The following PARVA variants were observed in gnomAD, a reference collection of about 807,000 sequenced individuals.
PARVA encodes alpha-parvin.
PARVA carries 25 observed loss-of-function variants against 52.6 expected under a neutral mutation model. The observed-to-expected ratio is 0.48, with a 90% confidence interval of 0.35 to 0.66. The LOEUF (loss-of-function observed/expected upper bound fraction) is 0.66, where lower values mean the gene tolerates loss of function less well. Among genes scored for constraint, PARVA ranks in the 30% least tolerant of loss-of-function variants. The pLI is 0.01. For synonymous variants in PARVA, 185 were observed against 179.1 expected (o/e 1.03, Z -0.26); for missense variants, 373 against 450.9 (o/e 0.83, Z 1.56).
chr11:12,406,352 A>T (rs1939906225), intron 1 of PARVA, among the ~76,000 whole-genome samples: 1 of 152,222 alleles, frequency 6.6e-6, no homozygotes, highest in South Asian at 2.1e-4. Context: ...ATTTACTTAA[A>T]GTCAACTGAT....
chr11:12,471,192 T>C (rs1019753702), intron 1 of PARVA, among the ~76,000 whole-genome samples: 1 of 152,168 alleles, frequency 6.6e-6, no homozygotes, highest in Non-Finnish European at 1.5e-5. Context: ...TATGAGGGTG[T>C]TGAGAATCAC....
At chr11:12,526,797 C>T (rs1168596204) in intron 12 of PARVA, among the ~76,000 whole-genome samples, 2 of 151,860 alleles carry the variant, frequency 1.3e-5, no homozygotes, top group African/African-American at 4.8e-5. Flanking sequence ...TTCTCCCACT[C>T]TTCAAAGGTT....
intron 5 of PARVA, 104 bp from the exon 6 acceptor site, chr11:12,504,210 A>G: frequency 1.5e-6 from 1 of 673,820 alleles, no homozygotes; most frequent in Admixed American, 2.4e-5. Context: ...AGGGACAAAT[A>G]TCCAAACTCT....
At position 12,508,646 on chromosome 11, in the gene PARVA, T is replaced by C; in HGVS notation, c.716+4T>C. 1 of 1,597,176 alleles carries C rather than the reference T, an allele frequency of 6.3e-7. No homozygotes were observed. Among genetic ancestry groups the C allele is most frequent in the Non-Finnish European group, 8.6e-7 (1 of 1,167,320 alleles). ...AGGAAATAACTGGTAACACAGAGTA[T>C]GTCAACACCATTGTTGCCAGCGATT... On this transcript the variant is annotated splice_donor_region_variant and intron_variant, in intron 7 of 12. Coordinates refer to ENST00000334956, the MANE Select transcript of PARVA (RefSeq NM_018222.5).
intron 1 of PARVA, among the ~76,000 whole-genome samples, chr11:12,390,586 C>T (rs888097482): frequency 6.6e-6 from 1 of 152,174 alleles, no homozygotes; most frequent in Non-Finnish European, 1.5e-5. Context: ...CTGCTGTAGT[C>T]TCTATGTGGA....
chr11:12,399,677 T>A (rs1183386686), intron 1 of PARVA, among the ~76,000 whole-genome samples: 1 of 152,156 alleles, frequency 6.6e-6, no homozygotes, highest in African/African-American at 2.4e-5. Context: ...TGTGTGTGTA[T>A]TTTGTTGTTT....
At chr11:12,437,986 C>T (rs1007002806) in intron 1 of PARVA, among the ~76,000 whole-genome samples, 4 of 152,084 alleles carry the variant, frequency 2.6e-5, no homozygotes, top group Non-Finnish European at 4.4e-5. Context: ...ATAGGCCGGG[C>T]GCAGTGGCTT....
At chr11:12,471,077 A>G (rs191888127) in intron 1 of PARVA, among the ~76,000 whole-genome samples, 1 of 152,198 alleles carries the variant, frequency 6.6e-6, no homozygotes. Context: ...AGAACTTAAG[A>G]GTGATTCCTC....
chr11:12,488,235 A>G (rs1427025296), intron 4 of PARVA, among the ~76,000 whole-genome samples: 1 of 152,198 alleles, frequency 6.6e-6, no homozygotes, highest in Admixed American at 6.5e-5. Context: ...AGAGGTCCTA[A>G]TTAATATGAT....
At chr11:12,475,813 CTGTGCATGTTGGGT>C (rs1372963625) in intron 3 of PARVA, among the ~76,000 whole-genome samples, 1 of 152,228 alleles carries the variant, frequency 6.6e-6, no homozygotes, top group Non-Finnish European at 1.5e-5. Context: ...GGCAGCTGGG[CTGTGCATGTTGGGT>C]ATCTGGCCTT....
intron 1 of PARVA, among the ~76,000 whole-genome samples, chr11:12,444,441 GCTTTT>G (rs1564848557): frequency 6.6e-6 from 1 of 151,738 alleles, no homozygotes; most frequent in African/African-American, 2.4e-5. Context: ...ATCTTTCTTT[GCTTTT>G]CTTTTTTTTT....
rs1031303348 is a variant in PARVA at position 12,529,607 on chromosome 11, T to C, written c.*1682T>C. On this transcript the variant is annotated 3_prime_UTR_variant, in exon 13 of 13. Coordinates refer to ENST00000334956, the MANE Select transcript of PARVA (RefSeq NM_018222.5). Reference sequence around the variant, plus strand: ...ACAAAGCCCATCTCTGGTTTGAGAATTCATTTTGATCTGTATCTACACCAC... The same window carrying C: ...ACAAAGCCCATCTCTGGTTTGAGAACTCATTTTGATCTGTATCTACACCAC... The C allele has an allele frequency of 3.3e-5, 5 of 152,092 alleles. No homozygotes were observed. The highest frequency in any genetic ancestry group is 5.9e-5 in the Non-Finnish European group (4 of 68,000). The allele number at this position is 152,092 out of a possible 1,614,324, so 9.4% of individuals were successfully genotyped here.
intron 3 of PARVA, among the ~76,000 whole-genome samples, chr11:12,475,512 A>C (rs757343294): frequency 1.3e-5 from 2 of 152,190 alleles, no homozygotes; most frequent in Non-Finnish European, 2.9e-5. Flanking sequence ...CAGGTATTTA[A>C]TAAACATTAG....
chr11:12,533,096 T>C lies in PARVA; in HGVS notation c.*5171T>C, dbSNP rs906510062. Among the ~76,000 whole-genome samples the C allele has an allele frequency of 7.2e-5, 11 of 152,158 alleles. No individual in the cohort carries two copies. Among genetic ancestry groups the C allele is most frequent in the South Asian group, 2.1e-4 (1 of 4,826 alleles). ...GTCTTAGCAACCTCTGGGCATCCCA[T>C]AGCTCCTCCTAACCTGCTGCTGCTG... On this transcript the variant is annotated 3_prime_UTR_variant, in exon 13 of 13. Transcript: ENST00000334956.
intron 1 of PARVA, among the ~76,000 whole-genome samples, chr11:12,406,603 A>G (rs779590969): frequency 2.0e-5 from 3 of 150,884 alleles, no homozygotes; most frequent in Non-Finnish European, 4.4e-5. Context: ...TTTTCATCAA[A>G]TGGCTTTCTC....
chr11:12,435,772 G>C (rs1168228687), intron 1 of PARVA, among the ~76,000 whole-genome samples: 1 of 151,176 alleles, frequency 6.6e-6, no homozygotes, highest in Non-Finnish European at 1.5e-5. Flanking sequence ...GACTTCTCCT[G>C]GCTATATCTC....
chr11:12,449,602 C>T (rs1401981919), intron 1 of PARVA, among the ~76,000 whole-genome samples: 1 of 152,176 alleles, frequency 6.6e-6, no homozygotes, highest in Non-Finnish European at 1.5e-5. Flanking sequence ...TTCTTTCTTC[C>T]TCTCTGTATG....
chr11:12,526,169 A>G (rs1941698553), intron 12 of PARVA, among the ~76,000 whole-genome samples: 1 of 152,214 alleles, frequency 6.6e-6, no homozygotes, highest in Non-Finnish European at 1.5e-5. Flanking sequence ...TCACTGCTAT[A>G]TAATTCATTC....
intron 1 of PARVA, among the ~76,000 whole-genome samples, chr11:12,405,668 G>T (rs1402898297): frequency 6.6e-6 from 1 of 152,096 alleles, no homozygotes. Flanking sequence ...TGCAATAATA[G>T]AATTAGAGCT....
Sources: gnomAD v4.1 joint callset for allele counts (sites outside exome capture counted in the v4.1 genomes callset) on GRCh38, gnomAD v4.1.1 for gene constraint, MANE v1.5 for transcripts, NCBI Gene and HGNC (gene_info 2026-07-23, HGNC 2026-07-21) for gene names.